Variants in CCDC192 observed in about 807,000 individuals in gnomAD.
The protein encoded by CCDC192 is coiled-coil domain containing 192.
intron 6 of CCDC192, chr5:127,940,436 T>C (rs1025197857): frequency 1.7e-5 from 2 of 119,476 alleles, no homozygotes; most frequent in Admixed American, 1.9e-4. Context: ...ATGGCAACCT[T>C]TTCGTTATTT....
intron 5 of CCDC192, among the ~76,000 whole-genome samples, chr5:127,845,288 C>T (rs1750482674): frequency 6.6e-6 from 1 of 152,068 alleles, no homozygotes; most frequent in Non-Finnish European, 1.5e-5. Context: ...TGAGAGTGGG[C>T]CGCCCTTTCA....
intron 5 of CCDC192, among the ~76,000 whole-genome samples, chr5:127,841,461 G>T (rs1299106009): frequency 6.6e-6 from 1 of 152,172 alleles, no homozygotes; most frequent in African/African-American, 2.4e-5. Context: ...ACTAGCATCT[G>T]TGTTTGCCAA....
intron 6 of CCDC192, among the ~76,000 whole-genome samples, chr5:127,936,144 G>T (rs1464569232): frequency 1.3e-5 from 2 of 152,090 alleles, no homozygotes; most frequent in Non-Finnish European, 2.9e-5. Context: ...TCAAAGAGAT[G>T]TTACAGAAAT....
intron 5 of CCDC192, among the ~76,000 whole-genome samples, chr5:127,859,487 C>T (rs1358462152): frequency 6.6e-6 from 1 of 152,098 alleles, no homozygotes; most frequent in Non-Finnish European, 1.5e-5. Context: ...ACTTAAGTTC[C>T]ACCTCAGCTC....
intron 4 of CCDC192, among the ~76,000 whole-genome samples, chr5:127,797,764 TA>T (rs1561494182): frequency 0.13 from 2,471 of 19,544 alleles, 124 homozygotes; most frequent in African/African-American, 0.18. Flanking sequence ...TATATATATA[TA>T]TATATATATA....
chr5:127,799,053 T>A (rs1281847443), intron 5 of CCDC192, among the ~76,000 whole-genome samples: 1 of 152,174 alleles, frequency 6.6e-6, no homozygotes, highest in Non-Finnish European at 1.5e-5. Flanking sequence ...CTTTTGGTCA[T>A]CTTTTTCATC....
chr5:127,724,282 CCTG>C (rs1305662382), intron 2 of CCDC192, among the ~76,000 whole-genome samples: 1 of 152,120 alleles, frequency 6.6e-6, no homozygotes, highest in East Asian at 1.9e-4. Context: ...TCTAGAACAA[CCTG>C]CTTTCTCTAG....
chr5:127,839,999 TA>T (rs1750212854), intron 5 of CCDC192, among the ~76,000 whole-genome samples: 1 of 152,168 alleles, frequency 6.6e-6, no homozygotes, highest in Non-Finnish European at 1.5e-5. Flanking sequence ...CAGAAGAGCA[TA>T]TGACACTTAA....
chr5:127,854,011 A>G (rs1388454633), intron 5 of CCDC192, among the ~76,000 whole-genome samples: 1 of 152,094 alleles, frequency 6.6e-6, no homozygotes, highest in African/African-American at 2.4e-5. Flanking sequence ...TCATCATGAA[A>G]CCATTTAAAT....
chr5:127,785,136 C>T (rs1756465291), intron 3 of CCDC192: 3 of 523,548 alleles, frequency 5.7e-6, no homozygotes, highest in South Asian at 4.2e-5. Context: ...ATGTGGATGC[C>T]TGCAAAGTAT....
intron 2 of CCDC192, among the ~76,000 whole-genome samples, chr5:127,731,897 A>G (rs912871376): frequency 6.6e-6 from 1 of 152,198 alleles, no homozygotes; most frequent in Non-Finnish European, 1.5e-5. Context: ...CCAAAACTAT[A>G]ACATCCCAAA....
rs569854867 is a variant in CCDC192 at position 127,862,592 on chromosome 5, A to G, written c.412-12946A>G. On this transcript the variant is annotated intron_variant, in intron 5 of 6. Coordinates refer to ENST00000514853, the MANE Select transcript of CCDC192 (RefSeq NM_001317938.2). The stretch of plus-strand genomic sequence containing the variant: ...AATCTAGAGCATGCGTATTTTTAAG[A>G]AACTCTTCAGATAGATCTGATGTGC... Among the ~76,000 whole-genome samples, 122 of 152,322 alleles carry G rather than the reference A, an allele frequency of 8.0e-4. 1 individual carries two copies. The highest frequency in any genetic ancestry group is 6.8e-3 in the Middle Eastern group (2 of 294).
chr5:127,852,379 G>A (rs905934106), intron 5 of CCDC192, among the ~76,000 whole-genome samples: 7 of 152,178 alleles, frequency 4.6e-5, no homozygotes, highest in Admixed American at 1.3e-4. Context: ...GGGAGTACCT[G>A]TTCAGCCTGT....
chr5:127,887,757 G>A (rs1369226355), intron 6 of CCDC192, among the ~76,000 whole-genome samples: 4 of 149,140 alleles, frequency 2.7e-5, no homozygotes, highest in African/African-American at 5.0e-5. Context: ...AGGCTGGAGT[G>A]CAGTGGCACG....
chr5:127,848,144 TGC>T (rs1300892001), intron 5 of CCDC192, among the ~76,000 whole-genome samples: 1 of 152,150 alleles, frequency 6.6e-6, no homozygotes, highest in Non-Finnish European at 1.5e-5. Flanking sequence ...TTATCATTAC[TGC>T]TCCTAAGCAT....
intron 3 of CCDC192, among the ~76,000 whole-genome samples, chr5:127,768,585 T>G (rs181858315): frequency 6.6e-6 from 1 of 152,344 alleles, no homozygotes; most frequent in East Asian, 1.9e-4. Flanking sequence ...CCACCCAGTT[T>G]GTGGTACTCT....
At chr5:127,882,982 T>A (rs1318975135) in intron 6 of CCDC192, among the ~76,000 whole-genome samples, 5 of 152,246 alleles carry the variant, frequency 3.3e-5, no homozygotes, top group African/African-American at 1.2e-4. Flanking sequence ...TTTACCAGTC[T>A]ACCTAGGGTT....
intron 5 of CCDC192, among the ~76,000 whole-genome samples, chr5:127,862,805 TA>T (rs1311419407): frequency 1.3e-5 from 2 of 152,184 alleles, no homozygotes; most frequent in African/African-American, 4.8e-5. Context: ...TTTCTTATAC[TA>T]ATGCTTTGAG....
intron 3 of CCDC192, among the ~76,000 whole-genome samples, chr5:127,794,662 A>C (rs571674936): frequency 2.6e-5 from 3 of 115,970 alleles, no homozygotes; most frequent in Non-Finnish European, 4.5e-5. Context: ...ACAAATTCTT[A>C]CATATAATAA....
Sources: gnomAD v4.1 joint callset for allele counts (sites outside exome capture counted in the v4.1 genomes callset) on GRCh38, gnomAD v4.1.1 for gene constraint, MANE v1.5 for transcripts, NCBI Gene and HGNC (gene_info 2026-07-23, HGNC 2026-07-21) for gene names.